The following DLG2 variants were observed in gnomAD, a reference collection of about 807,000 sequenced individuals.
DLG2 encodes disks large homolog 2.
DLG2 carries 45 observed loss-of-function variants against 132.5 expected under a neutral mutation model. The ratio of observed to expected loss-of-function variants is 0.34; its 90% CI spans 0.27 to 0.44. DLG2 has a LOEUF of 0.44. Ranked by LOEUF, DLG2 falls within the 20% of genes least tolerant of loss-of-function variation. The pLI is 1.00. For missense variants in DLG2, 1,045 were observed against 1,196.9 expected, an observed-to-expected ratio of 0.87 and a Z score of 1.87; for synonymous variants, 424 against 419.6, an observed-to-expected ratio of 1.01 and a Z score of -0.13.
chr11:85,420,680 C>T (rs1362134116), intron 3 of DLG2, among the ~76,000 whole-genome samples: 6 of 152,226 alleles, frequency 3.9e-5, no homozygotes, highest in Admixed American at 3.9e-4. Context: ...CTTTGCCAAG[C>T]TGTGGTGGGC....
intron 11 of DLG2, among the ~76,000 whole-genome samples, chr11:84,031,857 C>T (rs146054521): frequency 3.7e-4 from 56 of 152,284 alleles, no homozygotes; most frequent in Admixed American, 2.9e-3. Context: ...TGTGTGTTCA[C>T]TTCACGTCGT....
chr11:85,589,070 G>A (rs908966780), intron 3 of DLG2, among the ~76,000 whole-genome samples: 9 of 152,206 alleles, frequency 5.9e-5, no homozygotes, highest in Admixed American at 5.9e-4. Context: ...CCTGTTGGAG[G>A]TGGCAGGGGC....
chr11:84,367,094 T>C (rs1040939641), intron 7 of DLG2, among the ~76,000 whole-genome samples: 2 of 151,962 alleles, frequency 1.3e-5, no homozygotes, highest in East Asian at 1.9e-4. Context: ...TGTAAAAGAA[T>C]AGAAATTATA....
At chr11:84,116,064 C>T (rs747566236) in intron 9 of DLG2, among the ~76,000 whole-genome samples, 1 of 152,172 alleles carries the variant, frequency 6.6e-6, no homozygotes, top group Non-Finnish European at 1.5e-5. Flanking sequence ...GCTATGAGCT[C>T]AATATGTCCA....
intron 3 of DLG2, among the ~76,000 whole-genome samples, chr11:85,330,793 A>AAAAAAAAAAAAAAAAAAAAAAAAT (rs2081664281): frequency 4.8e-5 from 1 of 20,684 alleles, no homozygotes; most frequent in African/African-American, 2.6e-4. Flanking sequence ...AAAAAAAATT[A>AAAAAAAAAAAAAAAAAAAAAAAAT]AAAAAAAAAA....
At chr11:84,781,033 C>T (rs1229618606) in intron 6 of DLG2, among the ~76,000 whole-genome samples, 1 of 142,402 alleles carries the variant, frequency 7.0e-6, no homozygotes, top group Admixed American at 7.1e-5. Context: ...ACTTCATTGT[C>T]TGCCAAAAGT....
At chr11:85,536,178 T>G (rs1026166218) in intron 3 of DLG2, among the ~76,000 whole-genome samples, 40 of 139,500 alleles carry the variant, frequency 2.9e-4, no homozygotes, top group African/African-American at 1.1e-3. Flanking sequence ...ATCACACCAT[T>G]GAACTCCAGC....
chr11:84,901,543 TA>T (rs1282917246), intron 6 of DLG2, among the ~76,000 whole-genome samples: 1 of 137,832 alleles, frequency 7.3e-6, no homozygotes, highest in African/African-American at 3.3e-5. Context: ...TGGTGAAAGT[TA>T]ATTAATCTTA....
chr11:85,477,656 C>T (rs545783756), intron 3 of DLG2, among the ~76,000 whole-genome samples: 1 of 152,262 alleles, frequency 6.6e-6, no homozygotes, highest in Non-Finnish European at 1.5e-5. Context: ...CTACCTAAAA[C>T]ATACCATTTT....
rs775364327 is a variant in DLG2, at chr11:83,930,496, G to C, written c.1341-13C>G. Reference sequence around the variant, plus strand: ...AGGTTCCGGAGGCCTGGTGATACAAGAGGAAGAGAAAGATATGCATGGTTA... The same window carrying C: ...AGGTTCCGGAGGCCTGGTGATACAACAGGAAGAGAAAGATATGCATGGTTA... On this transcript the variant is annotated splice_polypyrimidine_tract_variant and intron_variant, in intron 14 of 27. Transcript: ENST00000376104. 4.3e-6 allele frequency: 7 copies of C among 1,612,752 alleles called. No individual in the cohort carries two copies. In the African/African-American group the frequency reaches 8.0e-5, roughly 18 times the overall value.
chr11:84,314,216 T>A (rs1049767392), intron 7 of DLG2, among the ~76,000 whole-genome samples: 1 of 152,364 alleles, frequency 6.6e-6, no homozygotes, highest in Middle Eastern at 3.4e-3. Flanking sequence ...GTACCACATG[T>A]GAGTCCCTGA....
In DLG2 at chr11:84,092,670, T is replaced by C. The variant is rs372741088; in HGVS notation, c.749+6253A>G. 6.6e-5 allele frequency among the ~76,000 whole-genome samples: 10 copies of C among 152,288 alleles called. No individual in the cohort carries two copies. In the East Asian group the frequency reaches 1.5e-3, roughly 24 times the overall value. ...CTTTAGTCTGCACTGTCACTTTATATTGGCTATGATTTCGCACACACAGGA... is the reference window on the plus strand; with the variant it reads ...CTTTAGTCTGCACTGTCACTTTATACTGGCTATGATTTCGCACACACAGGA... On this transcript the variant is annotated intron_variant, in intron 10 of 27. Coordinates refer to ENST00000376104, the MANE Select transcript of DLG2 (RefSeq NM_001142699.3).
intron 3 of DLG2, among the ~76,000 whole-genome samples, chr11:85,400,567 T>G (rs928035572): frequency 2.7e-5 from 4 of 146,496 alleles, no homozygotes; most frequent in African/African-American, 1.0e-4. Context: ...ATTAAGAAAA[T>G]GTGGCACATA....
intron 15 of DLG2, among the ~76,000 whole-genome samples, chr11:83,876,837 T>G (rs1334861630): frequency 6.6e-6 from 1 of 152,250 alleles, no homozygotes; most frequent in East Asian, 1.9e-4. Flanking sequence ...TATCCTCTGC[T>G]TTTCCTAACA....
chr11:84,652,465 A>T (rs1321181925), intron 6 of DLG2, among the ~76,000 whole-genome samples: 1 of 152,158 alleles, frequency 6.6e-6, no homozygotes, highest in East Asian at 1.9e-4. Context: ...CAGACCAAAC[A>T]GGAGCAGGAT....
intron 16 of DLG2, among the ~76,000 whole-genome samples, chr11:83,851,194 A>T (rs1315753605): frequency 1.3e-5 from 2 of 148,854 alleles, no homozygotes; most frequent in Non-Finnish European, 3.0e-5. Flanking sequence ...AAAAAAAAGA[A>T]TTTTTGAAGT....
intron 7 of DLG2, among the ~76,000 whole-genome samples, chr11:84,460,391 T>G (rs912921661): frequency 6.7e-6 from 1 of 150,220 alleles, no homozygotes; most frequent in Non-Finnish European, 1.5e-5. Context: ...AGCAAACAAA[T>G]GAACAAAGAA....
chr11:83,854,579 C>A (rs1428173837), intron 16 of DLG2, among the ~76,000 whole-genome samples: 1 of 152,008 alleles, frequency 6.6e-6, no homozygotes, highest in African/African-American at 2.4e-5. Context: ...AGACATTATA[C>A]CCTGAACAAA....
At chr11:84,692,266 G>A (rs755486394) in intron 6 of DLG2, among the ~76,000 whole-genome samples, 77 of 151,576 alleles carry the variant, frequency 5.1e-4, no homozygotes, top group Admixed American at 2.0e-3. Flanking sequence ...ATTTAGCATG[G>A]TATGCTAAGC....
Sources: gnomAD v4.1 joint callset for allele counts (sites outside exome capture counted in the v4.1 genomes callset) on GRCh38, gnomAD v4.1.1 for gene constraint, MANE v1.5 for transcripts, NCBI Gene and HGNC (gene_info 2026-07-23, HGNC 2026-07-21) for gene names.